Variants in FBXO11 observed in about 807,000 individuals in gnomAD.
The protein encoded by FBXO11 is F-box only protein 11.
Under a neutral mutation model 117.0 loss-of-function variants are expected in FBXO11, and 13 were observed. That is an observed-to-expected ratio of 0.11 (90% CI 0.07 to 0.18). The LOEUF is 0.18. Ranked by LOEUF, FBXO11 falls within the 10% of genes least tolerant of loss-of-function variation. The pLI is 1.00. For synonymous variants in FBXO11, 490 were observed against 380.5 expected (o/e 1.29, Z -3.35); for missense variants, 767 against 1,164.4 (o/e 0.66, Z 4.97).
intron 1 of FBXO11, among the ~76,000 whole-genome samples, chr2:47,884,214 G>A (rs992195824): frequency 7.9e-5 from 12 of 152,090 alleles, no homozygotes; most frequent in South Asian, 6.2e-4. Flanking sequence ...GCAAGACTCC[G>A]TCTCAAGAAA....
intron 1 of FBXO11, chr2:47,888,743 C>T: frequency 1.4e-6 from 1 of 724,702 alleles, no homozygotes; most frequent in South Asian, 6.2e-5. Context: ...TTTATACACA[C>T]CCAAGCACCC....
chr2:47,838,061 CAAAA>C (rs11286219), intron 4 of FBXO11, among the ~76,000 whole-genome samples: 11 of 104,480 alleles, frequency 1.1e-4, no homozygotes, highest in African/African-American at 1.5e-4. Context: ...CCCTTTGTCT[CAAAA>C]AAAAAAAAAA....
chr2:47,905,692 C>A lies in FBXO11; in HGVS notation c.29G>T (p.Arg10Ile). 1 of 1,520,226 alleles carries A rather than the reference C, an allele frequency of 6.6e-7. No homozygotes were observed. Among genetic ancestry groups the A allele is most frequent in the Non-Finnish European group, 8.8e-7 (1 of 1,136,140 alleles). 94.2% of individuals were successfully genotyped at this position (1,520,226 alleles called of 1,614,324 possible). A position where few individuals can be genotyped will look rare whatever the true frequency, so the allele number is the denominator to read the frequency against. The change falls in exon 1 of 23, where the codon AGA becomes ATA. Residue 10 changes from arginine (R) to isoleucine (I), a missense_variant. Arg to Ile is a moderately conservative substitution (Grantham distance 97). Transcript: ENST00000403359. MNSVRAANR[R>I]PRRVSRPRPV... ...GCGCGGCCGCGACACTCGCCTGGGT[C>A]TCCGGTTGGCGGCTCGGACGGAGTT...
intron 1 of FBXO11, among the ~76,000 whole-genome samples, chr2:47,879,512 C>T (rs1469718073): frequency 6.6e-6 from 1 of 152,110 alleles, no homozygotes; most frequent in Non-Finnish European, 1.5e-5. Context: ...AGGTACTGGC[C>T]TCATTAGCTT....
intron 1 of FBXO11, among the ~76,000 whole-genome samples, chr2:47,841,825 G>C (rs1382213449): frequency 6.6e-6 from 1 of 151,784 alleles, no homozygotes; most frequent in Non-Finnish European, 1.5e-5. Context: ...TATTTTGGTA[G>C]AGACGGGGTT....
At chr2:47,895,176 GA>G (rs1036727677) in intron 1 of FBXO11, among the ~76,000 whole-genome samples, 1 of 151,800 alleles carries the variant, frequency 6.6e-6, no homozygotes, top group Admixed American at 6.6e-5. Flanking sequence ...CATATGCAAA[GA>G]AAAAAATGCA....
intron 1 of FBXO11, among the ~76,000 whole-genome samples, chr2:47,879,303 G>C (rs938193999): frequency 6.6e-6 from 1 of 152,174 alleles, no homozygotes; most frequent in African/African-American, 2.4e-5. Context: ...TCAACCTGCT[G>C]GGTAAATACA....
chr2:47,876,188 TCTTTTTGTGCTA>T (rs150136101), intron 1 of FBXO11, among the ~76,000 whole-genome samples: 11,017 of 152,232 alleles, frequency 0.072, 556 homozygotes, highest in Non-Finnish European at 0.11. Flanking sequence ...GGTCAGTGTC[TCTTTTTGTGCTA>T]CTTTTTGGGA....
intron 1 of FBXO11, among the ~76,000 whole-genome samples, chr2:47,896,929 A>G (rs1677712101): frequency 6.6e-6 from 1 of 152,108 alleles, no homozygotes; most frequent in Non-Finnish European, 1.5e-5. Context: ...ATCTTCTTTG[A>G]TATTTCTTCT....
At position 47,902,311 on chromosome 2, in the gene FBXO11, A is replaced by G. The variant is rs766818192; in HGVS notation, c.232+3178T>C. 2.8e-4 allele frequency among the ~76,000 whole-genome samples: 42 copies of G among 152,254 alleles called. 1 individual carries two copies. Among genetic ancestry groups the G allele is most frequent in the Non-Finnish European group, 1.5e-4 (10 of 68,040 alleles). On this transcript the variant is annotated intron_variant, in intron 1 of 22. Coordinates refer to ENST00000403359, the MANE Select transcript of FBXO11 (RefSeq NM_001190274.2). The stretch of plus-strand genomic sequence containing the variant: ...AATTAAAAAAGCTAATGATTAGGCT[A>G]GTATTTAGTCTTAGGATAGCTGATC...
At chr2:47,859,354 G>A (rs927039394) in intron 1 of FBXO11, among the ~76,000 whole-genome samples, 2 of 152,082 alleles carry the variant, frequency 1.3e-5, no homozygotes, top group African/African-American at 4.8e-5. Flanking sequence ...CAAAGTCAAT[G>A]GTTCGCTTTT....
At chr2:47,848,123 C>CA (rs1187153573) in intron 1 of FBXO11, among the ~76,000 whole-genome samples, 3 of 147,142 alleles carry the variant, frequency 2.0e-5, no homozygotes, top group Non-Finnish European at 4.5e-5. Context: ...GACCCCATCT[C>CA]AAAAAAACAA....
chr2:47,867,154 A>G (rs554614553), intron 1 of FBXO11, among the ~76,000 whole-genome samples: 38 of 152,328 alleles, frequency 2.5e-4, no homozygotes, highest in African/African-American at 8.4e-4. Flanking sequence ...GGTACAGTGC[A>G]GTATCAGTCA....
chr2:47,871,570 G>A (rs999036519), intron 1 of FBXO11, among the ~76,000 whole-genome samples: 2 of 152,014 alleles, frequency 1.3e-5, no homozygotes, highest in African/African-American at 2.4e-5. Flanking sequence ...TTTTTCTGAC[G>A]ACTAATTATT....
rs1019813937 is a variant in FBXO11 at position 47,823,017 on chromosome 2, G to C, written c.1616+126C>G. 32 of 619,820 alleles carry C rather than the reference G, an allele frequency of 5.2e-5. No individual in the cohort carries two copies. In the African/African-American group the frequency reaches 5.2e-4, roughly 10 times the overall value. 38.4% of individuals were successfully genotyped at this position (619,820 alleles called of 1,614,324 possible). ...CATTCAGATGCACAGACTTTAACTA[G>C]GAAAATCTATTTTATAGTAGTCAAA... On this transcript the variant is annotated intron_variant, in intron 12 of 22. Transcript: ENST00000403359.
chr2:47,809,298 A>G (rs759240070), intron 20 of FBXO11, 32 bp from the exon 21 acceptor site: 1 of 1,358,400 alleles, frequency 7.4e-7, no homozygotes, highest in South Asian at 1.3e-5. Context: ...GTAAAAATTC[A>G]GAGGAATGTT....
intron 1 of FBXO11, among the ~76,000 whole-genome samples, chr2:47,899,714 C>A (rs953930662): frequency 2.0e-5 from 3 of 152,022 alleles, no homozygotes; most frequent in Non-Finnish European, 2.9e-5. Context: ...AATACTTTGC[C>A]AACAAAGTCA....
At position 47,808,203 on chromosome 2, in the gene FBXO11, G is replaced by C. The variant is rs780870758; in HGVS notation, c.2699C>G (p.Thr900Arg). 3.7e-6 allele frequency: 6 copies of C among 1,613,258 alleles called. No individual in the cohort carries two copies. The change falls in exon 23 of 23, where the codon ACA (threonine) becomes AGA (arginine). Residue 900 changes from threonine (T) to arginine (R), a missense_variant. Coordinates refer to ENST00000403359, the MANE Select transcript of FBXO11 (RefSeq NM_001190274.2). ...CGAGTLSNPC[T>R]LAGEPTHDTD... ...ATCATGTGTAGGCTCACCAGCTAATGTACAAGGATTAGACAGTGTTCCAGC... is the reference window on the plus strand; with the variant it reads ...ATCATGTGTAGGCTCACCAGCTAATCTACAAGGATTAGACAGTGTTCCAGC...
At chr2:47,850,382 T>G (rs550344749) in intron 1 of FBXO11, among the ~76,000 whole-genome samples, 1 of 152,072 alleles carries the variant, frequency 6.6e-6, no homozygotes, top group Non-Finnish European at 1.5e-5. Context: ...AGTGAGTCAT[T>G]TGGGTTGGAC....
Sources: gnomAD v4.1 joint callset for allele counts (sites outside exome capture counted in the v4.1 genomes callset) on GRCh38, gnomAD v4.1.1 for gene constraint, MANE v1.5 for transcripts, NCBI Gene and HGNC (gene_info 2026-07-23, HGNC 2026-07-21) for gene names.